The following AR variants were observed in gnomAD, a reference collection of about 807,000 sequenced individuals.
AR encodes dihydrotestosterone receptor.
In AR, 8 loss-of-function variants were observed where a neutral mutation model predicts 53.9. The observed-to-expected ratio is 0.15, with a 90% CI of 0.09 to 0.27. The LOEUF (loss-of-function observed/expected upper bound fraction) is 0.27. AR is among the 10% of genes least tolerant of loss of function. The pLI, the probability that AR is intolerant of heterozygous loss-of-function variation, is 1.00. For missense variants in AR, 639 were observed against 742.5 expected, an observed-to-expected ratio of 0.86 and a Z score of 1.62; for synonymous variants, 359 against 316.4, an observed-to-expected ratio of 1.13 and a Z score of -1.43.
In AR at chrX:67,658,833, G is replaced by T. The variant is rs367589219; in HGVS notation, c.1768+15426G>T. Among the ~76,000 whole-genome samples the T allele has an allele frequency of 5.4e-5, 6 of 112,089 alleles. No homozygotes were observed. The East Asian group carries it at 1.7e-3, about 31-fold the overall frequency. On this transcript the variant is annotated intron_variant, in intron 2 of 7. Transcript: ENST00000374690. ...ATGGGAGATTCAGTATATACAAAAA[G>T]GTTCACACCAGTAATCAAACAGAAT...
intron 1 of AR, among the ~76,000 whole-genome samples, chrX:67,555,397 A>T (rs1569268022): frequency 8.9e-6 from 1 of 112,157 alleles, no homozygotes; most frequent in Admixed American, 9.4e-5. Flanking sequence ...ATTTCTGCTT[A>T]TTCAATAGTG....
chrX:67,706,395 A>G (rs1161979724), intron 3 of AR, among the ~76,000 whole-genome samples: 3 of 111,657 alleles, frequency 2.7e-5, no homozygotes, highest in Non-Finnish European at 5.6e-5. Context: ...TGTGTCGAGG[A>G]ATTTATCCAT....
intron 4 of AR, among the ~76,000 whole-genome samples, chrX:67,714,249 C>T (rs2076104201): frequency 8.9e-6 from 1 of 111,848 alleles, no homozygotes; most frequent in South Asian, 3.7e-4. Flanking sequence ...GCTTCTGTGT[C>T]CTCATTTGTA....
chrX:67,581,115 G>T, intron 1 of AR, among the ~76,000 whole-genome samples: 1 of 111,327 alleles, frequency 9.0e-6, no homozygotes, highest in South Asian at 3.7e-4. Flanking sequence ...GCCCATAAGT[G>T]ATTCTTACGT....
intron 2 of AR, among the ~76,000 whole-genome samples, chrX:67,644,575 A>G (rs761462310): frequency 3.2e-3 from 359 of 112,093 alleles, no homozygotes; most frequent in Non-Finnish European, 4.5e-3. Context: ...GAAGCACCAG[A>G]GAGTTTGAAG....
rs11428245 is a variant in AR, at chrX:67,696,139, C to CTTT, written c.1885+10023_1885+10025dup. ...ATGCTGTTAACATTGGATCTTTTTT[C>CTTT]TTTTTTTTTTTTCCTTTTTTTTCTC... On this transcript the variant is annotated intron_variant, in intron 3 of 7. Coordinates refer to ENST00000374690, the MANE Select transcript of AR (RefSeq NM_000044.6). 104 of 594,238 alleles carry CTTT rather than the reference C, an allele frequency of 1.8e-4. No homozygotes were observed. The African/African-American group carries it at 2.1e-3, about 12-fold the overall frequency. 49.0% of individuals were successfully genotyped at this position (594,238 alleles called of 1,213,427 possible). A position where few individuals can be genotyped will look rare whatever the true frequency, so the allele number is the denominator to read the frequency against.
At chrX:67,550,490 C>A (rs1352380813) in intron 1 of AR, among the ~76,000 whole-genome samples, 1 of 110,042 alleles carries the variant, frequency 9.1e-6, no homozygotes, top group African/African-American at 3.3e-5. Flanking sequence ...ATTATGTGAA[C>A]TGGAGTTAGA....
intron 3 of AR, among the ~76,000 whole-genome samples, chrX:67,702,337 G>A (rs2076046088): frequency 9.0e-6 from 1 of 111,396 alleles, no homozygotes; most frequent in Admixed American, 9.5e-5. Flanking sequence ...AGGAACTGTA[G>A]CAGGGGAGCA....
At chrX:67,712,942 A>G (rs1427053467) in intron 4 of AR, among the ~76,000 whole-genome samples, 1 of 111,832 alleles carries the variant, frequency 8.9e-6, no homozygotes, top group Non-Finnish European at 1.9e-5. Context: ...TCTTTCTCTT[A>G]TTTTACAGAC....
At chrX:67,569,882 G>T (rs1279208193) in intron 1 of AR, among the ~76,000 whole-genome samples, 1 of 110,808 alleles carries the variant, frequency 9.0e-6, no homozygotes, top group Non-Finnish European at 1.9e-5. Context: ...TGCCCCTATT[G>T]TCCCCATCTC....
chrX:67,669,626 T>A (rs931470396), intron 2 of AR, among the ~76,000 whole-genome samples: 13 of 111,469 alleles, frequency 1.2e-4, no homozygotes, highest in Admixed American at 8.6e-4. Context: ...ATCTCTTCAG[T>A]GCTGAAAGTG....
At chrX:67,718,712 C>T (rs1260975508) in intron 5 of AR, among the ~76,000 whole-genome samples, 1 of 110,899 alleles carries the variant, frequency 9.0e-6, no homozygotes, top group Non-Finnish European at 1.9e-5. Context: ...CAGCCCAGTG[C>T]AACCTCCACC....
Position 67,728,783 on chromosome X carries a change from CT to C in AR, c.*4943del, listed in dbSNP as rs2076169135. 1 of 155,657 alleles carries C rather than the reference CT, an allele frequency of 6.4e-6. No individual in the cohort carries two copies. The highest frequency in any genetic ancestry group is 8.6e-5 in the Admixed American group (1 of 11,621). The allele number at this position is 155,657 out of a possible 1,213,427, so 12.8% of individuals were successfully genotyped here. ...ATCAGTTAACTAAAAGTTTTCTCCC[CT>C]ATTGGGTTTGACCCACAGGTCCTGT... On this transcript the variant is annotated 3_prime_UTR_variant, in exon 8 of 8. Transcript: ENST00000374690.
chrX:67,545,571 G>A lies in AR; in HGVS notation c.425G>A (p.Ser142Asn), dbSNP rs1260562254. The change falls in exon 1 of 8, where the codon AGC (serine) becomes AAC (asparagine). Residue 142 changes from serine (S) to asparagine (N), a missense_variant. By Grantham distance (46) the Ser-to-Asn change is conservative. Around this residue, in one of 5 missense-constraint regions of AR, gnomAD observed 423 missense variants for 377.0 expected, o/e 1.12. Transcript: ENST00000374690. Reference sequence around the variant, plus strand: ...GAGCCTGGAGCCGCCGTGGCCGCCAGCAAGGGGCTGCCGCAGCAGCTGCCA... The same window carrying A: ...GAGCCTGGAGCCGCCGTGGCCGCCAACAAGGGGCTGCCGCAGCAGCTGCCA... ...VPEPGAAVAA[S>N]KGLPQQLPAP... 1 of 1,183,977 alleles carries A rather than the reference G, an allele frequency of 8.4e-7. No homozygotes were observed. The highest frequency in any genetic ancestry group is 3.1e-5 in the East Asian group (1 of 32,309).
At chrX:67,712,252 G>A (rs1332047185) in intron 4 of AR, among the ~76,000 whole-genome samples, 1 of 111,978 alleles carries the variant, frequency 8.9e-6, no homozygotes, top group Non-Finnish European at 1.9e-5. Flanking sequence ...TCTGTATAAT[G>A]TATAAAGCGT....
intron 1 of AR, among the ~76,000 whole-genome samples, chrX:67,592,044 A>G (rs1456692681): frequency 8.9e-6 from 1 of 112,621 alleles, no homozygotes; most frequent in Admixed American, 9.4e-5. Context: ...TATATGTGAA[A>G]CTAAGATAAT....
At chrX:67,583,121 C>G (rs183563079) in intron 1 of AR, among the ~76,000 whole-genome samples, 1 of 111,833 alleles carries the variant, frequency 8.9e-6, no homozygotes, top group East Asian at 2.8e-4. Flanking sequence ...AAAGTGTCAA[C>G]TGTAAAGTTG....
At chrX:67,586,217 C>A (rs1433424929) in intron 1 of AR, among the ~76,000 whole-genome samples, 1 of 111,898 alleles carries the variant, frequency 8.9e-6, no homozygotes, top group Non-Finnish European at 1.9e-5. Flanking sequence ...TCTTCCACCT[C>A]CATATAAGAC....
intron 1 of AR, among the ~76,000 whole-genome samples, chrX:67,548,509 A>C (rs183006222): frequency 3.3e-4 from 37 of 111,186 alleles, no homozygotes; most frequent in African/African-American, 1.2e-3. Flanking sequence ...CTTCTACTGT[A>C]AACTTTTCTT....
Sources: gnomAD v4.1 joint callset for allele counts (sites outside exome capture counted in the v4.1 genomes callset) on GRCh38, gnomAD v4.1.1 for gene constraint, gnomAD v4.1.1 regional missense constraint, MANE v1.5 for transcripts, NCBI Gene and HGNC (gene_info 2026-07-23, HGNC 2026-07-21) for gene names.